The following SPAG16 variants were observed in gnomAD, a reference collection of about 807,000 sequenced individuals.
SPAG16 encodes the protein sperm associated antigen 16.
In SPAG16, 86 loss-of-function variants were observed where a neutral mutation model predicts 80.4. The ratio of observed to expected loss-of-function variants is 1.07; its 90% confidence interval spans 0.90 to 1.28. The LOEUF is 1.28. Ranked by LOEUF, SPAG16 falls within the 50% of genes most tolerant of loss-of-function variation. SPAG16 has a pLI of 0.00. For missense variants in SPAG16, 870 were observed against 765.3 expected (o/e 1.14, Z -1.61); for synonymous variants, 294 against 265.9 (o/e 1.11, Z -1.03).
At chr2:213,749,632 CTTAGAT>C (rs2067993500) in intron 10 of SPAG16, among the ~76,000 whole-genome samples, 2 of 152,132 alleles carry the variant, frequency 1.3e-5, no homozygotes, top group South Asian at 2.1e-4. Context: ...ATAAAACAAA[CTTAGAT>C]TTAAACTGCT....
intron 15 of SPAG16, among the ~76,000 whole-genome samples, chr2:214,187,409 C>T (rs1204676324): frequency 6.6e-6 from 1 of 152,096 alleles, no homozygotes; most frequent in African/African-American, 2.4e-5. Flanking sequence ...AAAATCTTGG[C>T]AAACAAATGT....
chr2:213,416,681 G>A (rs1295236098), intron 9 of SPAG16, among the ~76,000 whole-genome samples: 2 of 152,152 alleles, frequency 1.3e-5, no homozygotes, highest in African/African-American at 2.4e-5. Context: ...TGGCTATCCC[G>A]GGGTGGGGGC....
At chr2:213,950,732 ACG>A (rs1234425343) in intron 12 of SPAG16, among the ~76,000 whole-genome samples, 11 of 115,876 alleles carry the variant, frequency 9.5e-5, no homozygotes, top group Non-Finnish European at 1.6e-4. Context: ...TTCCCTCAAG[ACG>A]GTCTTGCTCT....
intron 10 of SPAG16, among the ~76,000 whole-genome samples, chr2:213,725,127 AGCTCAGGTGAT>A (rs1409032518): frequency 2.0e-5 from 3 of 151,494 alleles, no homozygotes; most frequent in Non-Finnish European, 2.9e-5. Flanking sequence ...AAACTCCCTG[AGCTCAGGTGAT>A]ACTCCCACCT....
At chr2:213,811,241 C>T (rs987009771) in intron 10 of SPAG16, among the ~76,000 whole-genome samples, 2 of 152,082 alleles carry the variant, frequency 1.3e-5, no homozygotes, top group African/African-American at 4.8e-5. Context: ...AATACAAAAT[C>T]TCTTTCATTT....
chr2:213,951,063 T>C (rs1208545140), intron 12 of SPAG16, among the ~76,000 whole-genome samples: 1 of 151,882 alleles, frequency 6.6e-6, no homozygotes, highest in Non-Finnish European at 1.5e-5. Context: ...TTGATTAATA[T>C]TTTTCCTCTG....
At chr2:214,376,557 C>T (rs771119227) in intron 15 of SPAG16, among the ~76,000 whole-genome samples, 1 of 152,004 alleles carries the variant, frequency 6.6e-6, no homozygotes, top group African/African-American at 2.4e-5. Flanking sequence ...TGGTTTGACA[C>T]TATATTTTCT....
At chr2:213,825,987 G>A (rs533115410) in intron 10 of SPAG16, among the ~76,000 whole-genome samples, 11 of 151,654 alleles carry the variant, frequency 7.3e-5, no homozygotes, top group Non-Finnish European at 1.6e-4. Context: ...ATCTTGGTAG[G>A]TTGTATGTAT....
intron 11 of SPAG16, among the ~76,000 whole-genome samples, chr2:213,870,081 C>G (rs1390773559): frequency 6.6e-6 from 1 of 152,072 alleles, no homozygotes; most frequent in Non-Finnish European, 1.5e-5. Flanking sequence ...TCCTCTGTGT[C>G]GTTTGTATTC....
intron 10 of SPAG16, among the ~76,000 whole-genome samples, chr2:213,633,444 T>C (rs925621386): frequency 2.0e-5 from 3 of 152,190 alleles, no homozygotes; most frequent in Non-Finnish European, 2.9e-5. Flanking sequence ...TGCTCTAATA[T>C]ATAGTCTATC....
At chr2:214,222,110 CTTT>C (rs10694178) in intron 15 of SPAG16, among the ~76,000 whole-genome samples, 4 of 103,626 alleles carry the variant, frequency 3.9e-5, no homozygotes, top group African/African-American at 1.1e-4. Context: ...CCTTGCTATT[CTTT>C]TTTTTTTTTT....
intron 13 of SPAG16, among the ~76,000 whole-genome samples, chr2:214,105,585 C>T (rs1010983284): frequency 6.6e-6 from 1 of 152,186 alleles, no homozygotes; most frequent in Non-Finnish European, 1.5e-5. Flanking sequence ...CATTATTACA[C>T]ACAGCTTCTC....
chr2:214,093,503 T>C (rs1403991818), intron 13 of SPAG16, among the ~76,000 whole-genome samples: 1 of 149,792 alleles, frequency 6.7e-6, no homozygotes, highest in Non-Finnish European at 1.5e-5. Flanking sequence ...TATGTGTATA[T>C]ATGTGTGTGT....
intron 10 of SPAG16, among the ~76,000 whole-genome samples, chr2:213,539,482 C>T (rs1387271997): frequency 6.6e-6 from 1 of 152,156 alleles, no homozygotes; most frequent in Non-Finnish European, 1.5e-5. Flanking sequence ...GTACAACTAT[C>T]ACTGGGTGTT....
At chr2:214,145,184 A>G (rs2055576113) in intron 14 of SPAG16, among the ~76,000 whole-genome samples, 1 of 152,064 alleles carries the variant, frequency 6.6e-6, no homozygotes, top group Non-Finnish European at 1.5e-5. Context: ...TAGTTTTACC[A>G]TATATAAATA....
At chr2:213,310,987 T>A (rs919303577) in intron 4 of SPAG16, among the ~76,000 whole-genome samples, 2 of 151,798 alleles carry the variant, frequency 1.3e-5, no homozygotes, top group Admixed American at 6.6e-5. Flanking sequence ...TAATTTGCGA[T>A]TTTTACTCAT....
At chr2:213,703,225 T>C (rs952391263) in intron 10 of SPAG16, among the ~76,000 whole-genome samples, 19 of 152,156 alleles carry the variant, frequency 1.2e-4, no homozygotes, top group Admixed American at 2.0e-4. Flanking sequence ...GTCTCTGATA[T>C]TTGGGAATCA....
At chr2:213,671,099 T>A (rs1203337648) in intron 10 of SPAG16, among the ~76,000 whole-genome samples, 1 of 152,196 alleles carries the variant, frequency 6.6e-6, no homozygotes, top group Non-Finnish European at 1.5e-5. Context: ...ATGACATAAT[T>A]TTAAGGGAGT....
At chr2:213,566,138 G>C (rs974789056) in intron 10 of SPAG16, among the ~76,000 whole-genome samples, 1 of 152,062 alleles carries the variant, frequency 6.6e-6, no homozygotes, top group African/African-American at 2.4e-5. Context: ...CAAAGTCAAT[G>C]GGTTGCTGGA....
Sources: allele counts gnomAD v4.1 joint callset (sites outside exome capture counted in the v4.1 genomes callset), GRCh38; gene constraint gnomAD v4.1.1; transcripts MANE v1.5; gene names NCBI Gene and HGNC (gene_info 2026-07-23, HGNC 2026-07-21).